Variants in PCSK2 observed in about 807,000 individuals in gnomAD.
PCSK2 encodes neuroendocrine convertase 2.
Under a neutral mutation model 69.7 loss-of-function variants are expected in PCSK2, and 14 were observed. That is an observed-to-expected ratio of 0.20 (90% CI 0.13 to 0.31). PCSK2 has a LOEUF of 0.31. Ranked by LOEUF, PCSK2 falls within the 10% of genes least tolerant of loss-of-function variation. The pLI, the probability that PCSK2 is intolerant of heterozygous loss-of-function variation, is 1.00. For synonymous variants in PCSK2, 307 were observed against 320.7 expected (o/e 0.96, Z 0.46); for missense variants, 544 against 842.5 (o/e 0.65, Z 4.39).
At chr20:17,234,163 C>A (rs962562023) in intron 1 of PCSK2, among the ~76,000 whole-genome samples, 1 of 152,132 alleles carries the variant, frequency 6.6e-6, no homozygotes, top group African/African-American at 2.4e-5. Context: ...GAAGGCAAAC[C>A]GAGCCAGATC....
intron 2 of PCSK2, among the ~76,000 whole-genome samples, chr20:17,306,639 C>G (rs1260698023): frequency 6.6e-6 from 1 of 152,206 alleles, no homozygotes; most frequent in Non-Finnish European, 1.5e-5. Context: ...TCGCAGTACC[C>G]TTCCCTGATT....
chr20:17,429,648 A>C, intron 7 of PCSK2, 125 bp downstream of exon 7: 1 of 617,738 alleles, frequency 1.6e-6, no homozygotes, highest in South Asian at 2.6e-5. Context: ...GCACAAGTGA[A>C]AAAAATTTTT....
intron 2 of PCSK2, among the ~76,000 whole-genome samples, chr20:17,342,065 A>G (rs1329452265): frequency 6.6e-6 from 1 of 152,204 alleles, no homozygotes; most frequent in African/African-American, 2.4e-5. Context: ...GTCCCATTTT[A>G]CAAGAAGGAG....
intron 5 of PCSK2, among the ~76,000 whole-genome samples, chr20:17,382,021 G>A (rs975774386): frequency 1.4e-4 from 21 of 152,124 alleles, no homozygotes; most frequent in African/African-American, 4.1e-4. Flanking sequence ...ACTCACAAGC[G>A]GTCACAATGA....
chr20:17,454,150 C>A (rs1037866953), intron 9 of PCSK2, among the ~76,000 whole-genome samples, 193 bp downstream of exon 9: 1 of 152,200 alleles, frequency 6.6e-6, no homozygotes, highest in Non-Finnish European at 1.5e-5. Flanking sequence ...CATCTGCGAG[C>A]TAGTAGCATG....
chr20:17,401,838 G>T (rs1162287269), intron 5 of PCSK2, among the ~76,000 whole-genome samples: 1 of 152,164 alleles, frequency 6.6e-6, no homozygotes, highest in Non-Finnish European at 1.5e-5. Flanking sequence ...GTGGTGGCTA[G>T]TGCAAATAAC....
chr20:17,472,808 C>A (rs565540723), intron 11 of PCSK2, among the ~76,000 whole-genome samples: 1 of 152,160 alleles, frequency 6.6e-6, no homozygotes, highest in African/African-American at 2.4e-5. Context: ...CTCAGGTGAT[C>A]CGCCTGCCTT....
intron 1 of PCSK2, among the ~76,000 whole-genome samples, chr20:17,230,062 C>T (rs896448076): frequency 3.3e-5 from 5 of 152,180 alleles, no homozygotes; most frequent in African/African-American, 1.2e-4. Flanking sequence ...AGGAAACTTC[C>T]TTGTCTGTAT....
chr20:17,283,708 A>C (rs1988405000), intron 2 of PCSK2, among the ~76,000 whole-genome samples: 1 of 152,208 alleles, frequency 6.6e-6, no homozygotes, highest in African/African-American at 2.4e-5. Context: ...AGTTTCCTGC[A>C]CCGAAGAACT....
chr20:17,312,581 T>G (rs919975360), intron 2 of PCSK2, among the ~76,000 whole-genome samples: 1 of 152,080 alleles, frequency 6.6e-6, no homozygotes, highest in African/African-American at 2.4e-5. Context: ...TCACCTGACC[T>G]GACCCCCAGT....
intron 2 of PCSK2, among the ~76,000 whole-genome samples, chr20:17,297,152 A>G (rs1484959616): frequency 6.6e-6 from 1 of 152,242 alleles, no homozygotes; most frequent in African/African-American, 2.4e-5. Flanking sequence ...GTTCAAAGTC[A>G]AAAAAGGAGC....
intron 2 of PCSK2, among the ~76,000 whole-genome samples, chr20:17,293,229 T>C (rs1400451558): frequency 6.6e-6 from 1 of 152,230 alleles, no homozygotes; most frequent in Admixed American, 6.5e-5. Flanking sequence ...TTAAGGCACC[T>C]ATAAAATGAT....
intron 8 of PCSK2, among the ~76,000 whole-genome samples, chr20:17,438,702 A>T (rs2032535356): frequency 6.6e-6 from 1 of 152,138 alleles, no homozygotes; most frequent in South Asian, 2.1e-4. Flanking sequence ...CCTCTCACGA[A>T]GCATTGCCTT....
chr20:17,276,227 A>C (rs1033743140), intron 2 of PCSK2, among the ~76,000 whole-genome samples: 4 of 152,166 alleles, frequency 2.6e-5, no homozygotes, highest in Non-Finnish European at 5.9e-5. Context: ...CAGTTTTAAA[A>C]ATCAAATGCA....
chr20:17,273,591 C>T (rs1326652231), intron 2 of PCSK2, among the ~76,000 whole-genome samples: 1 of 152,152 alleles, frequency 6.6e-6, no homozygotes, highest in Non-Finnish European at 1.5e-5. Flanking sequence ...TCCTTGCCTG[C>T]CCCTACTCCA....
chr20:17,325,817 C>T (rs1484846307), intron 2 of PCSK2, among the ~76,000 whole-genome samples: 2 of 152,230 alleles, frequency 1.3e-5, no homozygotes, highest in Non-Finnish European at 2.9e-5. Flanking sequence ...AGTGGGATGG[C>T]CCAGGCATGT....
At chr20:17,319,460 A>G (rs953347000) in intron 2 of PCSK2, among the ~76,000 whole-genome samples, 1 of 152,176 alleles carries the variant, frequency 6.6e-6, no homozygotes, top group Non-Finnish European at 1.5e-5. Flanking sequence ...GGGAGGTGCA[A>G]GGGATTGGGC....
chr20:17,362,731 GTC>G (rs1239539196), intron 4 of PCSK2, among the ~76,000 whole-genome samples: 1 of 152,214 alleles, frequency 6.6e-6, no homozygotes, highest in African/African-American at 2.4e-5. Flanking sequence ...TGGATGAATG[GTC>G]CCAGGGCCAA....
At chr20:17,303,143 G>T (rs1989141403) in intron 2 of PCSK2, among the ~76,000 whole-genome samples, 1 of 146,782 alleles carries the variant, frequency 6.8e-6, no homozygotes, top group South Asian at 2.1e-4. Flanking sequence ...CCAGGCAAAG[G>T]GATGGGTATA....
Sources: gnomAD v4.1 joint callset for allele counts (sites outside exome capture counted in the v4.1 genomes callset) on GRCh38, gnomAD v4.1.1 for gene constraint, MANE v1.5 for transcripts, NCBI Gene and HGNC (gene_info 2026-07-23, HGNC 2026-07-21) for gene names.